Variants in BNC2 observed in about 807,000 individuals in gnomAD.
BNC2 encodes zinc finger protein basonuclin-2.
A neutral mutation model predicts 76.3 loss-of-function variants in BNC2; 20 were observed. The observed-to-expected ratio is 0.26, with a 90% CI of 0.18 to 0.38. The LOEUF (loss-of-function observed/expected upper bound fraction) is 0.38, where lower values mean the gene tolerates loss of function less well. Among genes scored for constraint, BNC2 ranks in the 10% least tolerant of loss-of-function variants. The pLI is 1.00. For missense variants in BNC2, 1,382 were observed against 1,399.8 expected (o/e 0.99, Z 0.20); for synonymous variants, 582 against 514.8 (o/e 1.13, Z -1.77).
chr9:16,436,263 T>G lies in BNC2; in HGVS notation c.1931A>C (p.Lys644Thr), dbSNP rs1165658276. Reference sequence around the variant, plus strand: ...CTCATCGGCGGTATCAATAATTTCCTTCTCAATCTTCACAGGCATGCTTGA... The same window carrying G: ...CTCATCGGCGGTATCAATAATTTCCGTCTCAATCTTCACAGGCATGCTTGA... ...RKSSMPVKIEKEIIDTADEFD... is the reference protein window; with the variant it reads ...RKSSMPVKIETEIIDTADEFD... The change falls in exon 6 of 7, where the codon AAG becomes ACG. Residue 644 changes from lysine (K) to threonine (T), a missense_variant. Physicochemically the swap from Lys to Thr is moderately conservative, Grantham distance 78. Around this residue, in one of 3 missense-constraint regions of BNC2, gnomAD observed 798 missense variants for 775.5 expected, o/e 1.03. Transcript: ENST00000380672. The G allele has an allele frequency of 2.5e-6, 4 of 1,614,052 alleles. No individual in the cohort carries two copies. Among genetic ancestry groups the G allele is most frequent in the Non-Finnish European group, 3.4e-6 (4 of 1,180,038 alleles).
rs11999110 is a variant in BNC2, at chr9:16,532,982, C to T, written c.669+19548G>A. Among the ~76,000 whole-genome samples, 1,225 of 152,316 alleles carry T rather than the reference C, an allele frequency of 8.0e-3. 17 individuals carry two copies. The highest frequency in any genetic ancestry group is 0.028 in the African/African-American group (1,165 of 41,574). ...GAAAGCTATTGTAATGCTACCAACACAACGCTAGCAATGTCTAAATAATAA... is the reference window on the plus strand; with the variant it reads ...GAAAGCTATTGTAATGCTACCAACATAACGCTAGCAATGTCTAAATAATAA... On this transcript the variant is annotated intron_variant, in intron 5 of 6. Coordinates refer to ENST00000380672, the MANE Select transcript of BNC2 (RefSeq NM_017637.6).
At chr9:16,472,069 C>G (rs575522633) in intron 5 of BNC2, among the ~76,000 whole-genome samples, 1 of 152,282 alleles carries the variant, frequency 6.6e-6, no homozygotes, top group East Asian at 1.9e-4. Context: ...CCAATTAAAC[C>G]TCTTTTTGTT....
intron 1 of BNC2, among the ~76,000 whole-genome samples, chr9:16,825,141 C>T (rs148417185): frequency 3.3e-5 from 5 of 152,028 alleles, no homozygotes; most frequent in Non-Finnish European, 7.4e-5. Flanking sequence ...TTTACTCAGC[C>T]GAATGAGGAG....
chr9:16,514,224 T>G (rs947466387), intron 5 of BNC2, among the ~76,000 whole-genome samples: 1 of 152,192 alleles, frequency 6.6e-6, no homozygotes, highest in Non-Finnish European at 1.5e-5. Context: ...ACTTCTATTG[T>G]CTCCAGACCA....
At chr9:16,826,611 T>C (rs973251231) in intron 1 of BNC2, among the ~76,000 whole-genome samples, 1 of 152,182 alleles carries the variant, frequency 6.6e-6, no homozygotes, top group Non-Finnish European at 1.5e-5. Context: ...CTTTTACTTT[T>C]TACTTTTGGC....
chr9:16,827,233 C>T (rs915691045), intron 1 of BNC2, among the ~76,000 whole-genome samples: 1 of 152,174 alleles, frequency 6.6e-6, no homozygotes, highest in Admixed American at 6.5e-5. Context: ...TGAAGCCCTA[C>T]AAGGCACCAC....
chr9:16,806,320 T>C (rs1442713335), intron 1 of BNC2, among the ~76,000 whole-genome samples: 2 of 152,142 alleles, frequency 1.3e-5, no homozygotes, highest in Non-Finnish European at 2.9e-5. Context: ...TGAGCAGTGA[T>C]AGTGCCACTG....
intron 1 of BNC2, among the ~76,000 whole-genome samples, chr9:16,816,847 T>G (rs1019921782): frequency 6.6e-6 from 1 of 152,082 alleles, no homozygotes; most frequent in Non-Finnish European, 1.5e-5. Context: ...AATCTAGTAA[T>G]AAAAAGTATG....
At chr9:16,667,225 T>C (rs1325788364) in intron 3 of BNC2, among the ~76,000 whole-genome samples, 1 of 152,222 alleles carries the variant, frequency 6.6e-6, no homozygotes, top group Non-Finnish European at 1.5e-5. Context: ...AAGTCCTCTT[T>C]TGTAATAATA....
At chr9:16,598,642 G>A (rs1258002908) in intron 3 of BNC2, among the ~76,000 whole-genome samples, 1 of 152,120 alleles carries the variant, frequency 6.6e-6, no homozygotes, top group Non-Finnish European at 1.5e-5. Flanking sequence ...GGCAACGCTA[G>A]TAACATTCTA....
intron 5 of BNC2, among the ~76,000 whole-genome samples, chr9:16,504,692 G>A (rs2131829144): frequency 6.6e-6 from 1 of 152,160 alleles, no homozygotes; most frequent in South Asian, 2.1e-4. Context: ...AATTAGAACT[G>A]TGGAACCAGC....
At chr9:16,540,806 G>A (rs1297828977) in intron 5 of BNC2, among the ~76,000 whole-genome samples, 2 of 152,132 alleles carry the variant, frequency 1.3e-5, no homozygotes, top group African/African-American at 4.8e-5. Context: ...CCTTGTTATT[G>A]CTCAGGACAG....
chr9:16,794,627 C>T (rs1447870521), intron 1 of BNC2, among the ~76,000 whole-genome samples: 1 of 152,112 alleles, frequency 6.6e-6, no homozygotes, highest in Non-Finnish European at 1.5e-5. Context: ...CAAACAAAGG[C>T]ACCAGAATGC....
intron 3 of BNC2, among the ~76,000 whole-genome samples, chr9:16,670,690 G>T (rs1001532355): frequency 2.6e-5 from 4 of 152,192 alleles, no homozygotes; most frequent in Non-Finnish European, 5.9e-5. Context: ...ATTATTGAAG[G>T]AAATGCAAAC....
At chr9:16,556,250 C>T (rs1818827712) in intron 4 of BNC2, among the ~76,000 whole-genome samples, 1 of 152,022 alleles carries the variant, frequency 6.6e-6, no homozygotes, top group African/African-American at 2.4e-5. Flanking sequence ...ATGATTGTGC[C>T]ACTGCACTTC....
intron 5 of BNC2, among the ~76,000 whole-genome samples, chr9:16,546,191 T>C (rs1424433459): frequency 1.3e-5 from 2 of 152,238 alleles, no homozygotes; most frequent in African/African-American, 2.4e-5. Flanking sequence ...GTTCACAACA[T>C]ACATTTCATC....
intron 1 of BNC2, among the ~76,000 whole-genome samples, chr9:16,813,212 C>T (rs1287445904): frequency 1.3e-5 from 2 of 151,888 alleles, no homozygotes; most frequent in African/African-American, 4.8e-5. Context: ...AAGAAAAACT[C>T]CTAAAGGTCT....
intron 1 of BNC2, among the ~76,000 whole-genome samples, chr9:16,821,410 G>A (rs1043993080): frequency 3.9e-5 from 6 of 152,064 alleles, no homozygotes; most frequent in African/African-American, 1.4e-4. Flanking sequence ...ACTTAATAAT[G>A]CTTACCTTTT....
intron 1 of BNC2, among the ~76,000 whole-genome samples, chr9:16,850,883 A>G (rs913966181): frequency 3.3e-5 from 5 of 152,180 alleles, no homozygotes; most frequent in South Asian, 2.1e-4. Flanking sequence ...AGACTTTTGA[A>G]GATTCAGAAA....
Sources: gnomAD v4.1 joint callset for allele counts (sites outside exome capture counted in the v4.1 genomes callset) on GRCh38, gnomAD v4.1.1 for gene constraint, gnomAD v4.1.1 regional missense constraint, MANE v1.5 for transcripts, NCBI Gene and HGNC (gene_info 2026-07-23, HGNC 2026-07-21) for gene names.